IL1RAPL2: variants seen among roughly 807,000 people sequenced by gnomAD.
IL1RAPL2 encodes the protein interleukin 1 receptor accessory protein like 2.
In IL1RAPL2, 3 loss-of-function variants were observed where a neutral mutation model predicts 44.1. That is an observed-to-expected ratio of 0.07 (90% CI 0.03 to 0.18). The LOEUF is 0.18. IL1RAPL2 is among the 10% of genes least tolerant of loss of function. IL1RAPL2 has a pLI of 1.00. For synonymous variants in IL1RAPL2, 181 were observed against 178.8 expected (o/e 1.01, Z -0.10); for missense variants, 391 against 496.4 (o/e 0.79, Z 2.02).
intron 2 of IL1RAPL2, among the ~76,000 whole-genome samples, chrX:104,776,499 G>T (rs1932722234): frequency 8.9e-6 from 1 of 111,781 alleles, no homozygotes; most frequent in Non-Finnish European, 1.9e-5. Context: ...GGATAATTCT[G>T]TAATGCTGCT....
rs1331185443 is a variant in IL1RAPL2, at chrX:105,073,681, T to C, written c.83-121794T>C. On this transcript the variant is annotated intron_variant, in intron 2 of 10. Transcript: ENST00000372582. ...CACCAACAGTGTAAAAGTGTTCCTA[T>C]TTTTCCACATCCTCTCCAGCACCTG... is the stretch of plus-strand genomic sequence containing the variant. 2.7e-5 allele frequency among the ~76,000 whole-genome samples: 3 copies of C among 111,636 alleles called. No homozygotes were observed. The Admixed American group carries it at 2.9e-4, about 11-fold the overall frequency.
rs181834864 is a variant in IL1RAPL2, at chrX:105,350,043, C to G, written c.697+82502C>G. On this transcript the variant is annotated intron_variant, in intron 5 of 10. Coordinates refer to ENST00000372582, the MANE Select transcript of IL1RAPL2 (RefSeq NM_017416.2). The stretch of plus-strand genomic sequence containing the variant: ...AATATGTGGCACTGGACACAATATA[C>G]TTCAATTTTTAATTTCTATTGTCAA... Among the ~76,000 whole-genome samples, 974 of 112,096 alleles carry G rather than the reference C, an allele frequency of 8.7e-3. 5 individuals are homozygous for G. The highest frequency in any genetic ancestry group is 0.015 in the Non-Finnish European group (787 of 53,239).
intron 6 of IL1RAPL2, among the ~76,000 whole-genome samples, chrX:105,680,583 A>G (rs2037915732): frequency 8.9e-6 from 1 of 112,698 alleles, no homozygotes; most frequent in African/African-American, 3.2e-5. Flanking sequence ...AAAGGAGAAT[A>G]AATTCTTACT....
chrX:105,733,946 G>C (rs1182181926), intron 7 of IL1RAPL2, among the ~76,000 whole-genome samples: 2 of 111,422 alleles, frequency 1.8e-5, no homozygotes, highest in African/African-American at 6.5e-5. Flanking sequence ...AAAAGTAACT[G>C]AAGTAAATAG....
chrX:105,303,359 C>T (rs1324952851), intron 5 of IL1RAPL2, among the ~76,000 whole-genome samples: 1 of 111,569 alleles, frequency 9.0e-6, no homozygotes, highest in Non-Finnish European at 1.9e-5. Flanking sequence ...CTGCAGCTTC[C>T]AGAAGAGCAG....
Position 104,671,770 on chromosome X carries a change from C to T in IL1RAPL2, c.82+12775C>T, listed in dbSNP as rs371528294. On this transcript the variant is annotated intron_variant, in intron 2 of 10. Coordinates refer to ENST00000372582, the MANE Select transcript of IL1RAPL2 (RefSeq NM_017416.2). ...ACCCTAGCAGTCTTTAGGAGCAGAACACATGTGATTGAAAGTCATTAAACA... is the reference window on the plus strand; with the variant it reads ...ACCCTAGCAGTCTTTAGGAGCAGAATACATGTGATTGAAAGTCATTAAACA... Among the ~76,000 whole-genome samples, 64 of 111,876 alleles carry T rather than the reference C, an allele frequency of 5.7e-4. 1 individual carries two copies. In the South Asian group the frequency reaches 0.023, roughly 40 times the overall value.
intron 5 of IL1RAPL2, among the ~76,000 whole-genome samples, chrX:105,343,143 G>T (rs186876648): frequency 8.9e-6 from 1 of 111,767 alleles, no homozygotes; most frequent in East Asian, 2.8e-4. Context: ...AGGCCCATTT[G>T]TCCTCAGAAA....
At chrX:105,037,717 T>C (rs759494013) in intron 2 of IL1RAPL2, among the ~76,000 whole-genome samples, 5 of 111,853 alleles carry the variant, frequency 4.5e-5, no homozygotes, top group Non-Finnish European at 7.5e-5. Flanking sequence ...ATTGAAACAT[T>C]CTCAATGGTA....
intron 5 of IL1RAPL2, among the ~76,000 whole-genome samples, chrX:105,353,315 G>A (rs1359919185): frequency 9.0e-6 from 1 of 111,691 alleles, no homozygotes; most frequent in Non-Finnish European, 1.9e-5. Flanking sequence ...CCAGTACCAT[G>A]CTGTTTTGGT....
intron 5 of IL1RAPL2, among the ~76,000 whole-genome samples, chrX:105,432,681 T>C (rs943572536): frequency 1.8e-5 from 2 of 111,494 alleles, no homozygotes; most frequent in Non-Finnish European, 3.8e-5. Context: ...GTATATTTTA[T>C]TTTTTGTACA....
chrX:104,771,288 T>C (rs887919868), intron 2 of IL1RAPL2, among the ~76,000 whole-genome samples: 9 of 112,486 alleles, frequency 8.0e-5, no homozygotes, highest in African/African-American at 2.9e-4. Context: ...CCAGGGATGT[T>C]GGGCAGAAGC....
chrX:105,756,485 AGGAGACAAAT>A (rs1201698083), intron 10 of IL1RAPL2, among the ~76,000 whole-genome samples: 1 of 112,099 alleles, frequency 8.9e-6, no homozygotes, highest in African/African-American at 3.2e-5. Flanking sequence ...CTAAGCTGAC[AGGAGACAAAT>A]GGAAACAAAT....
At chrX:104,851,243 G>T (rs942390229) in intron 2 of IL1RAPL2, among the ~76,000 whole-genome samples, 3 of 111,660 alleles carry the variant, frequency 2.7e-5, no homozygotes, top group African/African-American at 9.8e-5. Context: ...AAACCAAAAT[G>T]ACACCAAAAT....
chrX:104,949,732 A>G (rs1475519513), intron 2 of IL1RAPL2, among the ~76,000 whole-genome samples: 2 of 111,004 alleles, frequency 1.8e-5, no homozygotes, highest in South Asian at 3.8e-4. Flanking sequence ...AGCAGTTTTG[A>G]GTGACTTTCT....
intron 5 of IL1RAPL2, among the ~76,000 whole-genome samples, chrX:105,317,153 G>T (rs1389913311): frequency 8.9e-6 from 1 of 111,747 alleles, no homozygotes; most frequent in African/African-American, 3.3e-5. Flanking sequence ...CAACTTTTTA[G>T]TTTGAATATT....
At chrX:104,587,882 T>C (rs945117651) in intron 1 of IL1RAPL2, among the ~76,000 whole-genome samples, 1 of 112,004 alleles carries the variant, frequency 8.9e-6, no homozygotes, top group African/African-American at 3.2e-5. Flanking sequence ...CACAAGTAAC[T>C]GTAGGAAGAA....
chrX:105,484,869 A>G (rs929271397), intron 6 of IL1RAPL2, among the ~76,000 whole-genome samples: 3 of 111,772 alleles, frequency 2.7e-5, no homozygotes, highest in African/African-American at 6.5e-5. Context: ...CTGAATATTT[A>G]TGAATCATAT....
intron 2 of IL1RAPL2, among the ~76,000 whole-genome samples, chrX:105,166,303 G>A (rs1237870451): frequency 3.6e-5 from 4 of 111,186 alleles, no homozygotes; most frequent in Non-Finnish European, 7.5e-5. Context: ...CTGACGTATA[G>A]GTGCTCGATA....
intron 2 of IL1RAPL2, among the ~76,000 whole-genome samples, chrX:104,886,597 T>C (rs1287814341): frequency 8.9e-6 from 1 of 112,262 alleles, no homozygotes; most frequent in Non-Finnish European, 1.9e-5. Flanking sequence ...AGTGAGGCAG[T>C]AATTCCTGTA....
Sources: allele counts gnomAD v4.1 joint callset (sites outside exome capture counted in the v4.1 genomes callset), GRCh38; gene constraint gnomAD v4.1.1; transcripts MANE v1.5; gene names NCBI Gene and HGNC (gene_info 2026-07-23, HGNC 2026-07-21).